Variants in RNASEH2B observed in about 807,000 individuals in gnomAD.
RNASEH2B encodes ribonuclease H2 subunit B.
Under a neutral mutation model 45.0 loss-of-function variants are expected in RNASEH2B, and 36 were observed. That is an observed-to-expected ratio of 0.80 (90% CI 0.61 to 1.06). The LOEUF (loss-of-function observed/expected upper bound fraction) is 1.06, where lower values mean the gene tolerates loss of function less well. Among genes scored for constraint, RNASEH2B ranks in the 50% least tolerant of loss-of-function variants. The probability of loss-of-function intolerance (pLI) is 0.00; values close to 1 mark genes in which losing one functional copy is unlikely to be tolerated. For missense variants in RNASEH2B, 361 were observed against 360.3 expected, an observed-to-expected ratio of 1.00 and a Z score of -0.02; for synonymous variants, 119 against 125.7, an observed-to-expected ratio of 0.95 and a Z score of 0.35.
intron 9 of RNASEH2B, among the ~76,000 whole-genome samples, chr13:50,967,340 A>G (rs1474324634): frequency 1.3e-5 from 2 of 152,108 alleles, no homozygotes; most frequent in African/African-American, 4.8e-5. Context: ...TCTTTTCTTC[A>G]TTTTTCAAAG....
chr13:50,962,739 G>A (rs1952123545), intron 9 of RNASEH2B, among the ~76,000 whole-genome samples: 3 of 151,934 alleles, frequency 2.0e-5, no homozygotes, highest in East Asian at 1.9e-4. Flanking sequence ...CCTCCTCATG[G>A]GTTCTTTTAA....
intron 9 of RNASEH2B, among the ~76,000 whole-genome samples, chr13:50,963,426 AGT>A (rs1276198006): frequency 4.6e-5 from 7 of 152,108 alleles, no homozygotes; most frequent in African/African-American, 1.7e-4. Context: ...AGCCTCCCAA[AGT>A]GCTGGGATTA....
chr13:50,955,049 CTT>C (rs1952026850), intron 10 of RNASEH2B: 1 of 152,090 alleles, frequency 6.6e-6, no homozygotes, highest in African/African-American at 2.4e-5. Flanking sequence ...GCTATTAACA[CTT>C]TTCATGAAAT....
chr13:50,953,700 G>A, intron 9 of RNASEH2B: 1 of 598,106 alleles, frequency 1.7e-6, no homozygotes. Context: ...CATCACCAAG[G>A]CTGCTTCTTA....
downstream of RNASEH2B, among the ~76,000 whole-genome samples, chr13:50,961,115 A>G (rs1952107574): frequency 6.6e-6 from 1 of 152,182 alleles, no homozygotes; most frequent in Non-Finnish European, 1.5e-5. Flanking sequence ...CTATCCCAAT[A>G]TCAGTGTTGT....
At chr13:50,934,010 T>C (rs964066212) in intron 4 of RNASEH2B, 9 of 152,184 alleles carry the variant, frequency 5.9e-5, no homozygotes, top group African/African-American at 1.9e-4. Flanking sequence ...TTTGCAGAAA[T>C]TGATCAGATG....
At chr13:50,918,663 A>G (rs367992766) in intron 1 of RNASEH2B, among the ~76,000 whole-genome samples, 82 of 152,274 alleles carry the variant, frequency 5.4e-4, no homozygotes, top group African/African-American at 1.9e-3. Context: ...TTATTACTGA[A>G]ATTAGTGTTC....
Position 50,929,572 on chromosome 13 carries a change from A to C in RNASEH2B, c.234A>C (p.Ser78=), listed in dbSNP as rs757200430. The part of the protein sequence containing the change: ...EKHHSWFINQ[S]VQSGGLLHFA... ...ACCATTCTTGGTTTATAAATCAATCAGTTCAATCAGGTAGGTGACTAGTGT... is the reference window on the plus strand; with the variant it reads ...ACCATTCTTGGTTTATAAATCAATCCGTTCAATCAGGTAGGTGACTAGTGT... The change falls in exon 3 of 11, where the codon TCA becomes TCC. Residue 78 remains serine, a synonymous_variant. Coordinates refer to ENST00000336617, the MANE Select transcript of RNASEH2B (RefSeq NM_024570.4). 2 of 1,596,440 alleles carry C rather than the reference A, an allele frequency of 1.3e-6. No individual in the cohort carries two copies.
intron 1 of RNASEH2B, among the ~76,000 whole-genome samples, chr13:50,918,395 C>T (rs999618386): frequency 6.6e-6 from 1 of 152,188 alleles, no homozygotes; most frequent in Non-Finnish European, 1.5e-5. Flanking sequence ...CCTCGGCCTC[C>T]CAAAGTGTTG....
intron 1 of RNASEH2B, 89 bp from the exon 2 acceptor site, chr13:50,927,318 T>G (rs911784182): frequency 1.2e-6 from 1 of 805,374 alleles, no homozygotes; most frequent in South Asian, 1.4e-5. Flanking sequence ...AAAAGTCATA[T>G]AAGTAGAAGA....
chr13:50,935,087 G>A, intron 5 of RNASEH2B, 88 bp downstream of exon 5: 1 of 814,280 alleles, frequency 1.2e-6, no homozygotes, highest in South Asian at 1.4e-5. Context: ...TGAATGTAAG[G>A]CTTATTCTGT....
chr13:50,922,509 A>G (rs1475815809), intron 1 of RNASEH2B, among the ~76,000 whole-genome samples: 2 of 152,186 alleles, frequency 1.3e-5, no homozygotes, highest in Non-Finnish European at 2.9e-5. Context: ...AGATTGGATC[A>G]CTTATTGGTT....
chr13:50,945,280 A>G (rs1951885593), intron 6 of RNASEH2B, 147 bp from the exon 7 acceptor site: 3 of 646,802 alleles, frequency 4.6e-6, no homozygotes, highest in African/African-American at 1.8e-5. Context: ...ACCATTTCTC[A>G]TCTTCTGGTG....
intron 10 of RNASEH2B, chr13:50,954,475 T>C (rs1952019879): frequency 6.0e-6 from 1 of 167,198 alleles, no homozygotes; most frequent in Non-Finnish European, 1.3e-5. Context: ...TTATTTAACA[T>C]TAAATTGTGA....
chr13:50,928,946 T>C (rs1403683991), intron 2 of RNASEH2B, among the ~76,000 whole-genome samples: 3 of 150,876 alleles, frequency 2.0e-5, no homozygotes, highest in Admixed American at 1.3e-4. Context: ...TTTTTTTTTT[T>C]TTTTTTTTTT....
chr13:50,925,753 A>T (rs1951586778), intron 1 of RNASEH2B, among the ~76,000 whole-genome samples: 1 of 151,850 alleles, frequency 6.6e-6, no homozygotes, highest in Non-Finnish European at 1.5e-5. Context: ...GCATGCACTG[A>T]TCCTACTTAA....
At chr13:50,927,315 ATATAAG>A (rs1386610245) in intron 1 of RNASEH2B, 86 bp from the exon 2 acceptor site, 1 of 791,020 alleles carries the variant, frequency 1.3e-6, no homozygotes, top group Non-Finnish European at 2.2e-6. Context: ...TACAAAAGTC[ATATAAG>A]TAGAAGAAAG....
intron 1 of RNASEH2B, chr13:50,910,389 G>C (rs1049363684): frequency 8.3e-6 from 3 of 363,508 alleles, no homozygotes; most frequent in Admixed American, 9.6e-5. Flanking sequence ...CGGGTGGGAG[G>C]GTGGAAGCCG....
At chr13:50,948,824 T>C (rs1320726992) in intron 8 of RNASEH2B, 1 of 152,172 alleles carries the variant, frequency 6.6e-6, no homozygotes, top group Non-Finnish European at 1.5e-5. Context: ...GAGGTCCTAC[T>C]TTAAAAAACA....
Sources: allele counts gnomAD v4.1 joint callset (sites outside exome capture counted in the v4.1 genomes callset), GRCh38; gene constraint gnomAD v4.1.1; transcripts MANE v1.5; gene names NCBI Gene and HGNC (gene_info 2026-07-23, HGNC 2026-07-21).